The following EFHC1 variants were observed in gnomAD, a reference collection of about 807,000 sequenced individuals.
The protein encoded by EFHC1 is EF-hand domain containing 1.
EFHC1 carries 53 observed loss-of-function variants against 69.9 expected under a neutral mutation model. That is an observed-to-expected ratio of 0.76 (90% CI 0.61 to 0.95). The LOEUF (loss-of-function observed/expected upper bound fraction) is 0.95, where lower values mean the gene tolerates loss of function less well. Among genes scored for constraint, EFHC1 ranks in the 40% least tolerant of loss-of-function variants. The pLI, the probability that EFHC1 is intolerant of heterozygous loss-of-function variation, is 0.00. For synonymous variants in EFHC1, 256 were observed against 278.4 expected, an observed-to-expected ratio of 0.92 and a Z score of 0.80; for missense variants, 739 against 798.7, an observed-to-expected ratio of 0.93 and a Z score of 0.90.
In EFHC1 at chr6:52,492,383, C is replaced by G. The variant is rs963236416; in HGVS notation, c.*42C>G. The G allele has an allele frequency of 1.9e-6, 3 of 1,572,304 alleles. No individual in the cohort carries two copies. The highest frequency in any genetic ancestry group is 1.7e-5 in the Admixed American group (1 of 59,816). On this transcript the variant is annotated 3_prime_UTR_variant, in exon 11 of 11. Transcript: ENST00000371068. The stretch of plus-strand genomic sequence containing the variant: ...TGCAAGACAATTTTTGATACTGGAA[C>G]TATGCTTTGAAATACACCTTACACT...
At chr6:52,462,807 G>GA (rs763663801) in intron 5 of EFHC1, among the ~76,000 whole-genome samples, 13 of 149,200 alleles carry the variant, frequency 8.7e-5, no homozygotes, top group Non-Finnish European at 1.9e-4. Context: ...AGAATTGCTT[G>GA]AACCTGGAAG....
intron 5 of EFHC1, 30 bp from the exon 6 acceptor site, chr6:52,464,865 T>A (rs1331205541): frequency 6.3e-7 from 1 of 1,596,234 alleles, no homozygotes; most frequent in Non-Finnish European, 8.6e-7. Context: ...CATTCCTTCT[T>A]TTTTTCTCTC....
intron 2 of EFHC1, among the ~76,000 whole-genome samples, chr6:52,435,346 C>CGA (rs1764507576): frequency 6.6e-6 from 1 of 152,138 alleles, no homozygotes; most frequent in Non-Finnish European, 1.5e-5. Flanking sequence ...TTTGCATTAT[C>CGA]CTTGAATGTT....
In EFHC1 at chr6:52,495,495, A is replaced by C; in HGVS notation, c.*3154A>C. On this transcript the variant is annotated 3_prime_UTR_variant, in exon 11 of 11. Coordinates refer to ENST00000371068, the MANE Select transcript of EFHC1 (RefSeq NM_018100.4). Reference sequence around the variant, plus strand: ...TCTGCAACATATGGATATATTTGCCAATTTTTGTCCTCAGCTTTGGGTCTC... The same window carrying C: ...TCTGCAACATATGGATATATTTGCCCATTTTTGTCCTCAGCTTTGGGTCTC... The C allele has an allele frequency of 2.2e-6, 1 of 454,102 alleles. No individual in the cohort carries two copies. The highest frequency in any genetic ancestry group is 4.4e-6 in the Non-Finnish European group (1 of 226,776). 28.1% of individuals were successfully genotyped at this position (454,102 alleles called of 1,614,324 possible). A position where few individuals can be genotyped will look rare whatever the true frequency, so the allele number is the denominator to read the frequency against.
At chr6:52,462,205 G>A (rs1342598368) in intron 5 of EFHC1, among the ~76,000 whole-genome samples, 1 of 151,484 alleles carries the variant, frequency 6.6e-6, no homozygotes, top group African/African-American at 2.4e-5. Flanking sequence ...CATATTTTCA[G>A]ATAACCCATG....
intron 3 of EFHC1, among the ~76,000 whole-genome samples, chr6:52,451,731 T>C (rs1388818303): frequency 2.0e-5 from 3 of 152,262 alleles, no homozygotes; most frequent in Non-Finnish European, 4.4e-5. Flanking sequence ...AAATATGTTT[T>C]CCAAGTTGTT....
At chr6:52,421,010 TC>T in intron 1 of EFHC1, 4 of 1,015,544 alleles carry the variant, frequency 3.9e-6, no homozygotes, top group Non-Finnish European at 4.7e-6. Flanking sequence ...TATCTCCCAC[TC>T]CCAGCTCCAT....
intron 9 of EFHC1, chr6:52,481,964 G>A (rs1465089472): frequency 1.3e-5 from 2 of 152,180 alleles, no homozygotes; most frequent in African/African-American, 4.8e-5. Flanking sequence ...TCAAATGAAG[G>A]GGTAGCATAG....
intron 1 of EFHC1, among the ~76,000 whole-genome samples, chr6:52,420,715 T>A (rs1204697871): frequency 6.6e-6 from 1 of 152,128 alleles, no homozygotes; most frequent in African/African-American, 2.4e-5. Flanking sequence ...TCCCACTCCA[T>A]CTTGGCAGTG....
chr6:52,467,792 C>A (rs1049746921), intron 6 of EFHC1, among the ~76,000 whole-genome samples: 3 of 152,154 alleles, frequency 2.0e-5, no homozygotes, highest in Non-Finnish European at 4.4e-5. Context: ...CTATAATAAA[C>A]AAATTCCACC....
At chr6:52,464,592 G>T (rs1464954061) in intron 5 of EFHC1, among the ~76,000 whole-genome samples, 1 of 152,130 alleles carries the variant, frequency 6.6e-6, no homozygotes, top group African/African-American at 2.4e-5. Context: ...AAGGACATTT[G>T]TTCTTTCCTC....
chr6:52,477,116 C>A (rs570871288), intron 7 of EFHC1, among the ~76,000 whole-genome samples: 1 of 151,884 alleles, frequency 6.6e-6, no homozygotes, highest in Non-Finnish European at 1.5e-5. Context: ...CCCCCCCAAC[C>A]CCCCGGTATG....
Position 52,421,429 on chromosome 6 carries a change from CT to C in EFHC1, c.63+968del, listed in dbSNP as rs1415819224. ...TTAAAAAGTAGCAGCAGCTTGGATT[CT>C]TTTTTTTTTTTAAACTCTTGCCACA... On this transcript the variant is annotated intron_variant, in intron 1 of 10. Coordinates refer to ENST00000371068, the MANE Select transcript of EFHC1 (RefSeq NM_018100.4). 6.3e-3 allele frequency among the ~76,000 whole-genome samples: 902 copies of C among 143,568 alleles called. 3 individuals carry two copies. Among genetic ancestry groups the C allele is most frequent in the African/African-American group, 0.013 (530 of 39,502 alleles). 94.2% of individuals were successfully genotyped at this position (143,568 alleles called of 152,430 possible). A position where few individuals can be genotyped will look rare whatever the true frequency, so the allele number is the denominator to read the frequency against.
chr6:52,431,809 C>G (rs1347080915), intron 2 of EFHC1, among the ~76,000 whole-genome samples: 1 of 151,966 alleles, frequency 6.6e-6, no homozygotes, highest in Non-Finnish European at 1.5e-5. Flanking sequence ...GAAGTCCCCC[C>G]CTATTATTAT....
rs1366870912 is a variant in EFHC1 at position 52,438,556 on chromosome 6, A to G, written c.538A>G (p.Thr180Ala). 1.2e-6 allele frequency: 2 copies of G among 1,613,894 alleles called. No individual in the cohort carries two copies. The highest frequency in any genetic ancestry group is 1.7e-6 in the Non-Finnish European group (2 of 1,179,952). Residue 180 changes from threonine (T) to alanine (A), a missense_variant, in exon 3 of 11, where the codon ACT becomes GCT. By Grantham distance (58) the Thr-to-Ala change is moderately conservative. Coordinates refer to ENST00000371068, the MANE Select transcript of EFHC1 (RefSeq NM_018100.4). ...AATAAACATCACAATTTATGGCAAA[A>G]CTTTCCGCGTTGTTGACTGTGACCA... ...RGINITIYGK[T>A]FRVVDCDQFT... is the part of the protein sequence containing the mutation.
intron 9 of EFHC1, among the ~76,000 whole-genome samples, chr6:52,481,165 G>A (rs1765666053): frequency 6.6e-6 from 1 of 152,056 alleles, no homozygotes; most frequent in African/African-American, 2.4e-5. Context: ...TTTGAAGGTA[G>A]CACCAATTGG....
intron 3 of EFHC1, among the ~76,000 whole-genome samples, chr6:52,443,061 A>G (rs1160421744): frequency 3.3e-5 from 5 of 152,128 alleles, no homozygotes; most frequent in Non-Finnish European, 7.4e-5. Context: ...TTTTTCACGT[A>G]TCTGTTGGCT....
At chr6:52,431,263 G>A (rs1764406309) in intron 2 of EFHC1, among the ~76,000 whole-genome samples, 2 of 151,944 alleles carry the variant, frequency 1.3e-5, no homozygotes, top group South Asian at 4.2e-4. Context: ...GTTTGTTCTT[G>A]TTTTTCTAGT....
chr6:52,463,338 T>TA lies in EFHC1; in HGVS notation c.917-1551dup, dbSNP rs544675844. On this transcript the variant is annotated intron_variant, in intron 5 of 10. Coordinates refer to ENST00000371068, the MANE Select transcript of EFHC1 (RefSeq NM_018100.4). ...TGCCCGGCCAAAACGAGCAAAGTTT[T>TA]AAAAAAGTATAACTTGTTTATGAAG... 5.1e-3 allele frequency among the ~76,000 whole-genome samples: 782 copies of TA among 152,138 alleles called. 8 individuals carry two copies. Among genetic ancestry groups the TA allele is most frequent in the African/African-American group, 0.017 (724 of 41,518 alleles).
Sources: allele counts gnomAD v4.1 joint callset (sites outside exome capture counted in the v4.1 genomes callset), GRCh38; gene constraint gnomAD v4.1.1; transcripts MANE v1.5; gene names NCBI Gene and HGNC (gene_info 2026-07-23, HGNC 2026-07-21).